Variants in GRAMD4 observed in about 807,000 individuals in gnomAD.
The protein encoded by GRAMD4 is GRAM domain containing 4.
In GRAMD4, 25 loss-of-function variants were observed where a neutral mutation model predicts 83.9. The ratio of observed to expected loss-of-function variants is 0.30; its 90% CI spans 0.22 to 0.42. GRAMD4 has a LOEUF of 0.42. GRAMD4 is among the 10% of genes least tolerant of loss of function. The pLI is 1.00. For synonymous variants in GRAMD4, 336 were observed against 320.9 expected (o/e 1.05, Z -0.50); for missense variants, 593 against 788.7 (o/e 0.75, Z 2.97).
intron 3 of GRAMD4, among the ~76,000 whole-genome samples, chr22:46,643,124 C>CATGCATCT (rs2082002966): frequency 5.5e-5 from 5 of 90,788 alleles, no homozygotes; most frequent in East Asian, 5.7e-4. Context: ...TCCATCCATG[C>CATGCATCT]ATCCATCCAT....
upstream of GRAMD4, among the ~76,000 whole-genome samples, chr22:46,616,311 T>C (rs2081492278): frequency 3.3e-5 from 1 of 30,564 alleles, no homozygotes; most frequent in African/African-American, 1.1e-4. Flanking sequence ...TTCCCCTGTG[T>C]GTAGGTTCCC....
At chr22:46,668,047 C>G in intron 10 of GRAMD4, 49 bp from the exon 11 acceptor site, 1 of 1,362,878 alleles carries the variant, frequency 7.3e-7, no homozygotes. Flanking sequence ...AGTGGTTTTT[C>G]TGAACTGTTA....
rs368538880 is a variant in GRAMD4, at chr22:46,663,090, C to T, written c.517C>T (p.Arg173Trp). ...GCGCCTGCAGAAGTGGTTCTACGAG[C>T]GGTTTGGGGAGTACGTGGAGGACTT... is the stretch of plus-strand genomic sequence containing the variant. ...SSRLQKWFYE[R>W]FGEYVEDFRF... Residue 173 changes from arginine to tryptophan, a missense_variant, in exon 6 of 19, where the codon CGG (arginine) becomes TGG (tryptophan). This residue lies in a region of GRAMD4 where 312 missense variants were observed against 350.7 expected (regional missense o/e 0.89). Transcript: ENST00000406902. 19 of 1,611,838 alleles carry T rather than the reference C, an allele frequency of 1.2e-5. No homozygotes were observed. Among genetic ancestry groups the T allele is most frequent in the African/African-American group, 5.3e-5 (4 of 74,890 alleles).
At chr22:46,615,629 C>T (rs1344636276), upstream of GRAMD4, among the ~76,000 whole-genome samples, 6 of 99,282 alleles carry the variant, frequency 6.0e-5, no homozygotes, top group South Asian at 4.0e-4. Context: ...TAGGTTCCCC[C>T]GTGTGTAGGT....
intron 1 of GRAMD4, among the ~76,000 whole-genome samples, chr22:46,623,594 C>T (rs1005366665): frequency 3.3e-5 from 5 of 151,856 alleles, no homozygotes; most frequent in African/African-American, 1.2e-4. Context: ...GATGCAGTTT[C>T]ACCGTGTTAG....
At chr22:46,650,500 T>C (rs34089139) in intron 3 of GRAMD4, among the ~76,000 whole-genome samples, 125,699 of 152,124 alleles carry the variant, frequency 0.83, 52,983 homozygotes, top group African/African-American at 0.96. Flanking sequence ...CCTGAGCCGA[T>C]GCATCTCCTT....
Position 46,659,720 on chromosome 22 carries a change from G to C in GRAMD4, c.404+1413G>C, listed in dbSNP as rs903982653. On this transcript the variant is annotated intron_variant, in intron 4 of 18. Coordinates refer to ENST00000406902, the MANE Select transcript of GRAMD4 (RefSeq NM_015124.5). The surrounding 1 kb of genome is among the most constrained non-coding windows in gnomAD (Gnocchi z 4.1). ...GTGGAGTGCCCTGGGGGGCTCATGT[G>C]GGGGCTCATGTGGGGGCATCCAGCT... 6.6e-6 allele frequency among the ~76,000 whole-genome samples: 1 copy of C among 150,588 alleles called. No individual in the cohort carries two copies. Among genetic ancestry groups the C allele is most frequent in the Non-Finnish European group, 1.5e-5 (1 of 67,936 alleles).
chr22:46,644,897 C>CTTTTTTTTTTTTT (rs35677843), intron 3 of GRAMD4, among the ~76,000 whole-genome samples: 3 of 41,014 alleles, frequency 7.3e-5, no homozygotes, highest in Non-Finnish European at 8.0e-5. Flanking sequence ...TGCACATGGC[C>CTTTTTTTTTTTTT]TTTTTTTTTT....
At chr22:46,582,460 C>T (rs1023362727) in intron 1 of GRAMD4, among the ~76,000 whole-genome samples, 3 of 152,134 alleles carry the variant, frequency 2.0e-5, no homozygotes, top group African/African-American at 7.2e-5. Flanking sequence ...CCCAGCTGTG[C>T]CTCTGCTGTC....
chr22:46,582,566 T>C (rs934004503), intron 1 of GRAMD4, among the ~76,000 whole-genome samples: 1 of 152,160 alleles, frequency 6.6e-6, no homozygotes, highest in African/African-American at 2.4e-5. Flanking sequence ...TCTGCTCATG[T>C]CCAGCGACCT....
At position 46,622,834 on chromosome 22, in the gene GRAMD4, C is replaced by T. The variant is rs995405377; in HGVS notation, c.-50+2269C>T. Among the ~76,000 whole-genome samples the T allele has an allele frequency of 6.6e-6, 1 of 151,100 alleles. No individual in the cohort carries two copies. Among genetic ancestry groups the T allele is most frequent in the Non-Finnish European group, 1.5e-5 (1 of 67,876 alleles). On this transcript the variant is annotated intron_variant, in intron 1 of 18. Coordinates refer to ENST00000406902, the MANE Select transcript of GRAMD4 (RefSeq NM_015124.5). This position sits in a 1 kb window ranked among gnomAD's most constrained non-coding sequence, Gnocchi z 4.0. ...GGCTGAGGCAGGAGAATGGCGTGAA[C>T]CCAGGAGGCGGATCTTGCAGTGAGC...
intron 1 of GRAMD4, among the ~76,000 whole-genome samples, chr22:46,623,784 C>CG (rs1555960710): frequency 7.5e-6 from 1 of 133,366 alleles, no homozygotes; most frequent in African/African-American, 2.8e-5. Flanking sequence ...GTCAAGCTGC[C>CG]TTTTTTTTTT....
chr22:46,626,263 A>G (rs2081657301), intron 1 of GRAMD4, among the ~76,000 whole-genome samples: 1 of 152,174 alleles, frequency 6.6e-6, no homozygotes, highest in Non-Finnish European at 1.5e-5. Flanking sequence ...CTGGTGGTGT[A>G]TGTGGCCGTC....
chr22:46,619,855 G>A (rs1439008239), upstream of GRAMD4, among the ~76,000 whole-genome samples: 1 of 152,220 alleles, frequency 6.6e-6, no homozygotes, highest in East Asian at 1.9e-4. Flanking sequence ...TGGGGGAGGT[G>A]TGTCTGTGTC....
At chr22:46,647,672 G>A (rs927709380) in intron 3 of GRAMD4, among the ~76,000 whole-genome samples, 5 of 152,248 alleles carry the variant, frequency 3.3e-5, no homozygotes, top group Admixed American at 1.3e-4. Flanking sequence ...GTGTTAAGTC[G>A]GGAACCACTG....
intron 1 of GRAMD4, among the ~76,000 whole-genome samples, chr22:46,590,033 A>T (rs1311891636): frequency 2.0e-5 from 3 of 152,180 alleles, no homozygotes; most frequent in Non-Finnish European, 4.4e-5. Context: ...GTCTTGCAGG[A>T]TGGGTCCTGG....
chr22:46,616,946 A>G (rs1490148598), upstream of GRAMD4, among the ~76,000 whole-genome samples: 1 of 63,858 alleles, frequency 1.6e-5, no homozygotes, highest in Non-Finnish European at 3.2e-5. Context: ...CTGTGCGTGT[A>G]GGTTCCCCCG....
chr22:46,647,386 T>A (rs577296643), intron 3 of GRAMD4, among the ~76,000 whole-genome samples: 1 of 152,318 alleles, frequency 6.6e-6, no homozygotes, highest in South Asian at 2.1e-4. Context: ...CTGGGATACT[T>A]CATTGCCCAG....
intron 5 of GRAMD4, among the ~76,000 whole-genome samples, chr22:46,662,483 G>A (rs2082342642): frequency 6.6e-6 from 1 of 152,254 alleles, no homozygotes; most frequent in East Asian, 1.9e-4. Flanking sequence ...GTTCGCTTTT[G>A]GTAAACATTG....
Sources: gnomAD v4.1 joint callset for allele counts (sites outside exome capture counted in the v4.1 genomes callset) on GRCh38, gnomAD v4.1.1 for gene constraint, gnomAD v4.1.1 regional missense constraint, Gnocchi (gnomAD v3.1) non-coding constraint, MANE v1.5 for transcripts, NCBI Gene and HGNC (gene_info 2026-07-23, HGNC 2026-07-21) for gene names.